Variants in KLHDC1 observed in about 807,000 individuals in gnomAD.
KLHDC1 encodes kelch domain-containing protein 1.
In KLHDC1, 53 loss-of-function variants were observed where a neutral mutation model predicts 68.3. The observed-to-expected ratio is 0.78, with a 90% confidence interval of 0.62 to 0.98. The LOEUF (loss-of-function observed/expected upper bound fraction) is 0.98. Among genes scored for constraint, KLHDC1 ranks in the 50% least tolerant of loss-of-function variants. The pLI, the probability that KLHDC1 is intolerant of heterozygous loss-of-function variation, is 0.00. For synonymous variants in KLHDC1, 148 were observed against 159.0 expected, an observed-to-expected ratio of 0.93 and a Z score of 0.52; for missense variants, 470 against 492.3, an observed-to-expected ratio of 0.95 and a Z score of 0.43.
intron 1 of KLHDC1, chr14:49,708,829 T>TTTA (rs113728329): frequency 0.035 from 5,519 of 158,770 alleles, 327 homozygotes; most frequent in African/African-American, 0.12. Flanking sequence ...TCTTCCTGGC[T>TTTA]TTATAATCTT....
chr14:49,696,590 G>A lies in KLHDC1; in HGVS notation c.96+3300G>A, dbSNP rs888508288. The stretch of plus-strand genomic sequence containing the variant: ...CTCAGCCTTCATAGAATTGAAGAGA[G>A]TTAAGACCCTCTTCTGAGTTAGGCT... On this transcript the variant is annotated intron_variant, in intron 1 of 12. Transcript: ENST00000359332. Among the ~76,000 whole-genome samples the A allele has an allele frequency of 2.6e-5, 4 of 152,176 alleles. 1 individual carries two copies. The highest frequency in any genetic ancestry group is 7.2e-5 in the African/African-American group (3 of 41,436).
chr14:49,731,788 TC>T (rs1474829076), intron 8 of KLHDC1, among the ~76,000 whole-genome samples: 1 of 152,162 alleles, frequency 6.6e-6, no homozygotes, highest in African/African-American at 2.4e-5. Flanking sequence ...TGAGCAATCC[TC>T]CTGCCTTGGC....
intron 1 of KLHDC1, chr14:49,707,571 CTCTTGATCTTG>C (rs1307436683): frequency 1.3e-5 from 2 of 150,124 alleles, no homozygotes; most frequent in Non-Finnish European, 2.9e-5. Flanking sequence ...TGGTTTTGAT[CTCTTGATCTTG>C]TGATCCACCT....
At chr14:49,744,575 A>G (rs191551605) in intron 12 of KLHDC1, among the ~76,000 whole-genome samples, 3 of 152,106 alleles carry the variant, frequency 2.0e-5, no homozygotes, top group Admixed American at 6.6e-5. Flanking sequence ...CAAGTCTCTT[A>G]TATAGGGTGA....
chr14:49,710,624 A>T (rs1324795619), intron 4 of KLHDC1, among the ~76,000 whole-genome samples: 2 of 152,102 alleles, frequency 1.3e-5, no homozygotes, highest in African/African-American at 4.8e-5. Flanking sequence ...TTCATATATT[A>T]CTCATTCTTT....
At chr14:49,739,454 G>A (rs189250503) in intron 10 of KLHDC1, among the ~76,000 whole-genome samples, 26 of 152,264 alleles carry the variant, frequency 1.7e-4, no homozygotes, top group African/African-American at 6.3e-4. Flanking sequence ...GTAGCTGAGG[G>A]AGATGAGAGA....
intron 10 of KLHDC1, among the ~76,000 whole-genome samples, chr14:49,738,911 A>G (rs969470510): frequency 4.6e-5 from 7 of 152,214 alleles, no homozygotes; most frequent in South Asian, 2.1e-4. Context: ...GATATGTACA[A>G]TCAGCTTCTG....
chr14:49,701,551 C>CA (rs1887905824), intron 1 of KLHDC1, among the ~76,000 whole-genome samples: 1 of 151,786 alleles, frequency 6.6e-6, no homozygotes, highest in Non-Finnish European at 1.5e-5. Context: ...CCCAGCTACT[C>CA]AGGAGGCTGA....
chr14:49,709,761 G>C lies in KLHDC1; in HGVS notation c.220G>C (p.Gly74Arg). 6.2e-7 allele frequency: 1 copy of C among 1,604,588 alleles called. No individual in the cohort carries two copies. Among genetic ancestry groups the C allele is most frequent in the Non-Finnish European group, 8.5e-7 (1 of 1,176,152 alleles). ...ELPASMSGSCGACINGKLYIF... is the reference protein window; with the variant it reads ...ELPASMSGSCRACINGKLYIF... ...CCCAGCCTCCATGTCAGGAAGCTGT[G>C]GTGCTTGCATTAATGGAAAGCTGTA... The change falls in exon 3 of 13, where the codon GGT (glycine) becomes CGT (arginine). Residue 74 changes from glycine to arginine, a missense_variant. Coordinates refer to ENST00000359332, the MANE Select transcript of KLHDC1 (RefSeq NM_172193.3).
At chr14:49,750,077 C>G (rs1368034946) in intron 12 of KLHDC1, among the ~76,000 whole-genome samples, 1 of 152,072 alleles carries the variant, frequency 6.6e-6, no homozygotes, top group Non-Finnish European at 1.5e-5. Context: ...AAAAATTAGT[C>G]ATGAAATATT....
chr14:49,750,302 C>G (rs1889294434), intron 12 of KLHDC1, among the ~76,000 whole-genome samples: 1 of 152,154 alleles, frequency 6.6e-6, no homozygotes, highest in Non-Finnish European at 1.5e-5. Context: ...TTTCTCGTCT[C>G]TAGGGCTTTG....
At chr14:49,705,113 A>G (rs901889552) in intron 1 of KLHDC1, among the ~76,000 whole-genome samples, 1 of 152,166 alleles carries the variant, frequency 6.6e-6, no homozygotes, top group Non-Finnish European at 1.5e-5. Context: ...AGGAGGAGTT[A>G]GGCAAACTCT....
intron 12 of KLHDC1, among the ~76,000 whole-genome samples, chr14:49,748,702 C>T (rs1023410042): frequency 6.6e-6 from 1 of 151,544 alleles, no homozygotes; most frequent in African/African-American, 2.4e-5. Context: ...AAAAAATCAC[C>T]TATGAGCCAT....
At chr14:49,749,096 G>T (rs915911096) in intron 12 of KLHDC1, among the ~76,000 whole-genome samples, 2 of 151,936 alleles carry the variant, frequency 1.3e-5, no homozygotes, top group Non-Finnish European at 2.9e-5. Flanking sequence ...ACCCCGCCCA[G>T]CAGAGAGAGA....
At chr14:49,694,217 A>G (rs994067020) in intron 1 of KLHDC1, among the ~76,000 whole-genome samples, 2 of 152,200 alleles carry the variant, frequency 1.3e-5, no homozygotes, top group African/African-American at 2.4e-5. Flanking sequence ...TTGTGTGTCC[A>G]TAATCACAGA....
chr14:49,719,189 T>A (rs1157282335), intron 4 of KLHDC1, among the ~76,000 whole-genome samples: 1 of 152,144 alleles, frequency 6.6e-6, no homozygotes, highest in East Asian at 1.9e-4. Context: ...TCTAATTCCT[T>A]AACTTGTACA....
intron 12 of KLHDC1, 48 bp from the exon 13 acceptor site, chr14:49,751,538 T>A: frequency 1.2e-6 from 1 of 858,892 alleles, no homozygotes; most frequent in Non-Finnish European, 1.7e-6. Flanking sequence ...TATTTTATAT[T>A]ATAACCTCAG....
chr14:49,705,187 A>T (rs1034811667), intron 1 of KLHDC1, among the ~76,000 whole-genome samples: 5 of 152,070 alleles, frequency 3.3e-5, no homozygotes, highest in Non-Finnish European at 7.4e-5. Flanking sequence ...AGGAACTAGG[A>T]GATGTTTAAG....
intron 10 of KLHDC1, among the ~76,000 whole-genome samples, chr14:49,739,715 A>G (rs1207145583): frequency 2.6e-5 from 4 of 152,180 alleles, no homozygotes; most frequent in Non-Finnish European, 5.9e-5. Flanking sequence ...TGTATGAGAG[A>G]AAAAGGTTAT....
Sources: allele counts gnomAD v4.1 joint callset (sites outside exome capture counted in the v4.1 genomes callset), GRCh38; gene constraint gnomAD v4.1.1; transcripts MANE v1.5; gene names NCBI Gene and HGNC (gene_info 2026-07-23, HGNC 2026-07-21).